FIGN: variants seen among roughly 807,000 people sequenced by gnomAD.
FIGN encodes the protein fidgetin, microtubule severing factor, also known as fidgetin.
A neutral mutation model predicts 51.3 loss-of-function variants in FIGN; 11 were observed. That is an observed-to-expected ratio of 0.21 (90% CI 0.13 to 0.35). The LOEUF is 0.35. FIGN is among the 10% of genes least tolerant of loss of function. The pLI is 1.00. For synonymous variants in FIGN, 407 were observed against 363.2 expected, an observed-to-expected ratio of 1.12 and a Z score of -1.37; for missense variants, 857 against 943.6, an observed-to-expected ratio of 0.91 and a Z score of 1.20.
intron 2 of FIGN, among the ~76,000 whole-genome samples, chr2:163,668,848 G>T (rs1573938858): frequency 6.6e-6 from 1 of 151,796 alleles, no homozygotes; most frequent in South Asian, 2.1e-4. Context: ...GGCTGAGGTG[G>T]GAGAATGGCG....
chr2:163,689,628 A>G (rs1227602779), intron 2 of FIGN, among the ~76,000 whole-genome samples: 2 of 152,182 alleles, frequency 1.3e-5, no homozygotes, highest in Non-Finnish European at 2.9e-5. Context: ...TGAATTACAC[A>G]GAGCCTTGAC....
chr2:163,717,910 A>G (rs1207015063), intron 2 of FIGN, among the ~76,000 whole-genome samples: 1 of 152,186 alleles, frequency 6.6e-6, no homozygotes, highest in Non-Finnish European at 1.5e-5. Context: ...TTAAATGAGA[A>G]GATTAATAAA....
At chr2:163,723,046 A>G (rs1207715556) in intron 2 of FIGN, among the ~76,000 whole-genome samples, 1 of 151,632 alleles carries the variant, frequency 6.6e-6, no homozygotes, top group African/African-American at 2.4e-5. Flanking sequence ...AAATTAGCCG[A>G]GCGTGGTGGT....
chr2:163,660,883 T>A (rs1302863722), intron 2 of FIGN, among the ~76,000 whole-genome samples: 142 of 10,166 alleles, frequency 0.014, 10 homozygotes, highest in South Asian at 0.047. Flanking sequence ...ATATATATTT[T>A]TTTTTTTTTT....
intron 2 of FIGN, among the ~76,000 whole-genome samples, chr2:163,616,297 G>A (rs1449633212): frequency 1.3e-5 from 2 of 152,060 alleles, no homozygotes; most frequent in African/African-American, 2.4e-5. Flanking sequence ...AAAATGAAGG[G>A]TATAAAAGCA....
intron 2 of FIGN, among the ~76,000 whole-genome samples, chr2:163,721,669 C>A (rs1302971464): frequency 1.3e-5 from 2 of 152,154 alleles, no homozygotes; most frequent in Admixed American, 1.3e-4. Context: ...ACTACAGATA[C>A]TTTCTTCTGC....
chr2:163,680,653 C>A (rs987914040), intron 2 of FIGN, among the ~76,000 whole-genome samples: 1 of 152,126 alleles, frequency 6.6e-6, no homozygotes, highest in Non-Finnish European at 1.5e-5. Context: ...AATTTGGCAG[C>A]TACCTACATA....
At chr2:163,642,785 T>C (rs1208044201) in intron 2 of FIGN, among the ~76,000 whole-genome samples, 1 of 152,126 alleles carries the variant, frequency 6.6e-6, no homozygotes, top group African/African-American at 2.4e-5. Flanking sequence ...ATTTCATGTA[T>C]AACAGCATCA....
intron 2 of FIGN, among the ~76,000 whole-genome samples, chr2:163,694,977 C>T (rs1684294050): frequency 6.6e-6 from 1 of 152,078 alleles, no homozygotes; most frequent in East Asian, 1.9e-4. Flanking sequence ...ATTTCATAGG[C>T]TAGCCCTTTC....
intron 2 of FIGN, among the ~76,000 whole-genome samples, chr2:163,720,689 G>A (rs1684742289): frequency 6.6e-6 from 1 of 152,060 alleles, no homozygotes; most frequent in African/African-American, 2.4e-5. Flanking sequence ...TCACTTAGAT[G>A]GTGTCTGTAT....
chr2:163,719,430 G>A (rs755233135), intron 2 of FIGN, among the ~76,000 whole-genome samples: 15 of 152,082 alleles, frequency 9.9e-5, no homozygotes, highest in Non-Finnish European at 2.1e-4. Flanking sequence ...AAATGTCTGG[G>A]CACACTCAGC....
intron 2 of FIGN, among the ~76,000 whole-genome samples, chr2:163,672,619 T>C (rs1372552328): frequency 1.3e-5 from 2 of 152,284 alleles, no homozygotes; most frequent in Admixed American, 6.5e-5. Context: ...AAATCTACTA[T>C]GTGAAAAACA....
chr2:163,646,107 G>T (rs528945664), intron 2 of FIGN, among the ~76,000 whole-genome samples: 8 of 152,182 alleles, frequency 5.3e-5, no homozygotes, highest in Admixed American at 2.6e-4. Flanking sequence ...AAAGTTTTCT[G>T]GTTATTTAAA....
chr2:163,629,750 C>T (rs925746510), intron 2 of FIGN, among the ~76,000 whole-genome samples: 2 of 151,858 alleles, frequency 1.3e-5, no homozygotes, highest in African/African-American at 4.8e-5. Context: ...AAATATTTAC[C>T]GTCTATCCCT....
chr2:163,658,985 C>A (rs1371482963), intron 2 of FIGN, among the ~76,000 whole-genome samples: 1 of 152,088 alleles, frequency 6.6e-6, no homozygotes, highest in African/African-American at 2.4e-5. Context: ...TGTTTCACAG[C>A]CAGAAAGGAG....
intron 2 of FIGN, among the ~76,000 whole-genome samples, chr2:163,628,180 T>A (rs934919768): frequency 1.3e-5 from 2 of 152,160 alleles, no homozygotes; most frequent in African/African-American, 4.8e-5. Context: ...CTGATGGACT[T>A]TGCAATCTAT....
intron 2 of FIGN, among the ~76,000 whole-genome samples, chr2:163,715,294 A>G (rs1047686327): frequency 2.0e-5 from 3 of 152,166 alleles, no homozygotes; most frequent in Non-Finnish European, 1.5e-5. Context: ...GTCATTAGCT[A>G]GAGTCCCAGC....
intron 2 of FIGN, among the ~76,000 whole-genome samples, chr2:163,695,616 A>C (rs1684306258): frequency 6.6e-6 from 1 of 152,212 alleles, no homozygotes; most frequent in Non-Finnish European, 1.5e-5. Context: ...ACTATTAGTA[A>C]TTACGTTAGA....
intron 2 of FIGN, among the ~76,000 whole-genome samples, chr2:163,705,906 T>C (rs969472552): frequency 6.6e-6 from 1 of 152,158 alleles, no homozygotes. Flanking sequence ...TACAAATGAC[T>C]GCATTTTTAA....
Sources: gnomAD v4.1 joint callset for allele counts (sites outside exome capture counted in the v4.1 genomes callset) on GRCh38, gnomAD v4.1.1 for gene constraint, MANE v1.5 for transcripts, NCBI Gene and HGNC (gene_info 2026-07-23, HGNC 2026-07-21) for gene names.